Variants in HELZ observed in about 807,000 individuals in gnomAD.
HELZ encodes the protein ATP-dependent RNA helicase with zinc finger domain.
Under a neutral mutation model 218.2 loss-of-function variants are expected in HELZ, and 23 were observed. That is an observed-to-expected ratio of 0.11 (90% CI 0.08 to 0.15). The LOEUF (loss-of-function observed/expected upper bound fraction) is 0.15, where lower values mean the gene tolerates loss of function less well. HELZ is among the 10% of genes least tolerant of loss of function. The pLI is 1.00. For missense variants in HELZ, 1,813 were observed against 2,353.7 expected (o/e 0.77, Z 4.75); for synonymous variants, 814 against 829.4 (o/e 0.98, Z 0.32).
chr17:67,231,197 C>T (rs1177851767), intron 3 of HELZ, among the ~76,000 whole-genome samples: 2 of 152,154 alleles, frequency 1.3e-5, no homozygotes, highest in Non-Finnish European at 2.9e-5. Context: ...GACAAAACTG[C>T]TACATTCATT....
intron 9 of HELZ, among the ~76,000 whole-genome samples, chr17:67,193,359 A>AG (rs1555620640): frequency 6.6e-6 from 1 of 151,578 alleles, no homozygotes; most frequent in Non-Finnish European, 1.5e-5. Flanking sequence ...AAAAAAAAAA[A>AG]AAAAGAAAAG....
chr17:67,076,396 T>C lies in HELZ; in HGVS notation c.*1856A>G, dbSNP rs904113298. The C allele has an allele frequency of 2.0e-5, 3 of 151,870 alleles. No individual in the cohort carries two copies. Among genetic ancestry groups the C allele is most frequent in the Admixed American group, 2.0e-4 (3 of 15,228 alleles). 9.4% of individuals were successfully genotyped at this position (151,870 alleles called of 1,614,324 possible). The stretch of plus-strand genomic sequence containing the variant: ...GATCTGACATCATACAGAGAAAGAG[T>C]GGTGCTGTAACTTGCCGGCTCAGTT... On this transcript the variant is annotated 3_prime_UTR_variant, in exon 33 of 33. Transcript: ENST00000358691.
Position 67,178,718 on chromosome 17 carries a change from C to T in HELZ, c.1371G>A (p.Gln457=). The T allele has an allele frequency of 2.5e-6, 4 of 1,613,836 alleles. No individual in the cohort carries two copies. The highest frequency in any genetic ancestry group is 3.4e-6 in the Non-Finnish European group (4 of 1,179,822). ...LDKSLTKSNY[Q]SRLHDLLYIE... ...TATAAAGAAGGTCATGTAACCGTGACTGATAGTTGCTCTTGGTCAATGATT... is the reference window on the plus strand; with the variant it reads ...TATAAAGAAGGTCATGTAACCGTGATTGATAGTTGCTCTTGGTCAATGATT... Residue 457 remains glutamine, a synonymous_variant, in exon 13 of 33, where the codon CAG becomes CAA. Transcript: ENST00000358691.
intron 4 of HELZ, among the ~76,000 whole-genome samples, chr17:67,216,627 C>T (rs2040608416): frequency 1.3e-5 from 2 of 151,736 alleles, no homozygotes; most frequent in African/African-American, 4.8e-5. Context: ...TCAATTCCTT[C>T]CCCCAATTCT....
At chr17:67,207,738 A>G (rs971133106) in intron 5 of HELZ, among the ~76,000 whole-genome samples, 9 of 152,174 alleles carry the variant, frequency 5.9e-5, no homozygotes, top group African/African-American at 2.2e-4. Context: ...AAATGAAAAT[A>G]AAGGCCGAGC....
Position 67,190,763 on chromosome 17 carries a change from T to G in HELZ, c.558-408A>C, listed in dbSNP as rs138931888. Among the ~76,000 whole-genome samples, 833 of 152,302 alleles carry G rather than the reference T, an allele frequency of 5.5e-3. 5 individuals carry two copies. The highest frequency in any genetic ancestry group is 0.019 in the African/African-American group (791 of 41,560). On this transcript the variant is annotated intron_variant, in intron 9 of 32. Transcript: ENST00000358691. ...TCTCACTCCGTTGCCCAGGCTGGAG[T>G]GCAGTGGCGTAATCTCGACTCACTG... is the stretch of plus-strand genomic sequence containing the variant.
intron 2 of HELZ, among the ~76,000 whole-genome samples, chr17:67,243,509 C>A (rs1045040814): frequency 1.3e-5 from 2 of 152,154 alleles, no homozygotes; most frequent in African/African-American, 4.8e-5. Flanking sequence ...CTATAATTAT[C>A]CCTGGTGAAG....
chr17:67,159,250 T>G (rs2038930032), intron 17 of HELZ, among the ~76,000 whole-genome samples: 2 of 151,892 alleles, frequency 1.3e-5, no homozygotes, highest in Non-Finnish European at 2.9e-5. Context: ...AACCAGATTC[T>G]ATTTAAAATA....
chr17:67,080,528 T>C (rs182388948), intron 32 of HELZ, among the ~76,000 whole-genome samples: 5 of 152,356 alleles, frequency 3.3e-5, no homozygotes, highest in Admixed American at 6.5e-5. Context: ...GCTTCTCATA[T>C]CTGGAATTTG....
rs1446442222 is a variant in HELZ, at chr17:67,188,796, T to C, written c.865-180A>G. On this transcript the variant is annotated intron_variant, in intron 11 of 32. Coordinates refer to ENST00000358691, the MANE Select transcript of HELZ (RefSeq NM_014877.4). The surrounding 1 kb of genome is among the most constrained non-coding windows in gnomAD (Gnocchi z 4.1). Reference sequence around the variant, plus strand: ...TAAAATCAGTTGTTAAAATTATTTATTTATGCTATATCGCTAGCCTCCCTT... The same window carrying C: ...TAAAATCAGTTGTTAAAATTATTTACTTATGCTATATCGCTAGCCTCCCTT... 6.6e-6 allele frequency among the ~76,000 whole-genome samples: 1 copy of C among 152,198 alleles called. No individual in the cohort carries two copies. Among genetic ancestry groups the C allele is most frequent in the Non-Finnish European group, 1.5e-5 (1 of 68,020 alleles).
chr17:67,174,462 G>C (rs577830022), intron 13 of HELZ, among the ~76,000 whole-genome samples: 1 of 152,154 alleles, frequency 6.6e-6, no homozygotes, highest in Admixed American at 6.5e-5. Context: ...CAAAATGTAA[G>C]AAACTAGTAT....
At position 67,108,822 on chromosome 17, in the gene HELZ, G is replaced by A; in HGVS notation, c.4490-96C>T. ...AACATATTTTCTCCACAAAGACAAA[G>A]GACGTAGCTACAAATTTGGTTTTGG... On this transcript the variant is annotated intron_variant, in intron 29 of 32. Transcript: ENST00000358691. The surrounding 1 kb of genome is among the most constrained non-coding windows in gnomAD (Gnocchi z 4.1). 3.1e-6 allele frequency: 3 copies of A among 979,686 alleles called. No homozygotes were observed. The highest frequency in any genetic ancestry group is 4.4e-6 in the Non-Finnish European group (3 of 676,714). The allele number at this position is 979,686 out of a possible 1,614,324, so 60.7% of individuals were successfully genotyped here.
chr17:67,162,507 C>G (rs139444261), intron 15 of HELZ, among the ~76,000 whole-genome samples: 1,646 of 152,154 alleles, frequency 0.011, 20 homozygotes, highest in South Asian at 0.018. Context: ...CAGGTGATGG[C>G]TAAGTCCAGA....
At position 67,170,360 on chromosome 17, in the gene HELZ, C is replaced by T. The variant is rs143438595; in HGVS notation, c.1431-2564G>A. ...TGAAACCCCGTCTCTACTAAAAATA[C>T]AAAAATTAGCTGGGCGTGGTGGCAC... On this transcript the variant is annotated intron_variant, in intron 13 of 32. Transcript: ENST00000358691. 2.1e-3 allele frequency among the ~76,000 whole-genome samples: 317 copies of T among 152,268 alleles called. 2 individuals are homozygous for T. In the East Asian group the frequency reaches 0.026, roughly 12 times the overall value.
chr17:67,125,269 A>G (rs1231847480), intron 24 of HELZ, among the ~76,000 whole-genome samples: 1 of 126,204 alleles, frequency 7.9e-6, no homozygotes, highest in Non-Finnish European at 1.7e-5. Flanking sequence ...AAGCATGTTC[A>G]CAGTGATTGG....
At chr17:67,095,584 G>A (rs1177378582) in intron 31 of HELZ, among the ~76,000 whole-genome samples, 2 of 152,138 alleles carry the variant, frequency 1.3e-5, no homozygotes, top group African/African-American at 4.8e-5. Context: ...ATCTACCCAA[G>A]TTCAATCATA....
chr17:67,134,343 C>A (rs1193036227), intron 23 of HELZ, among the ~76,000 whole-genome samples: 1 of 151,708 alleles, frequency 6.6e-6, no homozygotes, highest in African/African-American at 2.4e-5. Flanking sequence ...CGAGACTGCA[C>A]CATTGCATTC....
At chr17:67,195,311 A>G in intron 8 of HELZ, 108 bp downstream of exon 8, 1 of 651,848 alleles carries the variant, frequency 1.5e-6, no homozygotes. Flanking sequence ...ATTCTCTCCT[A>G]CATCTCCACT....
chr17:67,093,795 A>G (rs2036647388), intron 31 of HELZ, among the ~76,000 whole-genome samples: 1 of 152,168 alleles, frequency 6.6e-6, no homozygotes, highest in Non-Finnish European at 1.5e-5. Flanking sequence ...TTCACTATTT[A>G]TATTATTTTT....
Sources: gnomAD v4.1 joint callset for allele counts (sites outside exome capture counted in the v4.1 genomes callset) on GRCh38, gnomAD v4.1.1 for gene constraint, Gnocchi (gnomAD v3.1) non-coding constraint, MANE v1.5 for transcripts, NCBI Gene and HGNC (gene_info 2026-07-23, HGNC 2026-07-21) for gene names.